KIF6: variants seen among roughly 807,000 people sequenced by gnomAD.
The protein encoded by KIF6 is kinesin-like protein KIF6.
In KIF6, 106 loss-of-function variants were observed where a neutral mutation model predicts 112.7. That is an observed-to-expected ratio of 0.94 (90% CI 0.80 to 1.11). KIF6 has a LOEUF of 1.11. KIF6 is among the 50% of genes least tolerant of loss of function. The pLI is 0.00. For missense variants in KIF6, 929 were observed against 964.0 expected, an observed-to-expected ratio of 0.96 and a Z score of 0.48; for synonymous variants, 339 against 339.9, an observed-to-expected ratio of 1.00 and a Z score of 0.03.
chr6:39,432,521 CA>C (rs567991488), intron 13 of KIF6, among the ~76,000 whole-genome samples: 26 of 152,320 alleles, frequency 1.7e-4, no homozygotes, highest in Admixed American at 2.6e-4. Flanking sequence ...ATAAAAATAG[CA>C]CCGTGAAGAA....
intron 13 of KIF6, among the ~76,000 whole-genome samples, chr6:39,514,485 A>G (rs1776953240): frequency 6.6e-6 from 1 of 152,244 alleles, no homozygotes; most frequent in African/African-American, 2.4e-5. Context: ...AGAATTGGAA[A>G]ATAATGCAAA....
rs372337037 is a variant in KIF6, at chr6:39,386,424, A to G, written c.1811-752T>C. Among the ~76,000 whole-genome samples the G allele has an allele frequency of 7.2e-5, 11 of 152,306 alleles. No homozygotes were observed. In the East Asian group the frequency reaches 1.5e-3, roughly 21 times the overall value. ...TGAAGACAAGACTTGGAGAGGAGGA[A>G]TGGAGATAATGGCTGTCTTTGAATA... On this transcript the variant is annotated intron_variant, in intron 15 of 22. Coordinates refer to ENST00000287152, the MANE Select transcript of KIF6 (RefSeq NM_145027.6).
intron 3 of KIF6, among the ~76,000 whole-genome samples, chr6:39,710,419 C>T (rs1566511): frequency 0.41 from 60,788 of 148,964 alleles, 13,683 homozygotes; most frequent in Non-Finnish European, 0.5. Context: ...ACCAGGAAAG[C>T]GAGGCACCAA....
intron 16 of KIF6, among the ~76,000 whole-genome samples, chr6:39,380,960 CG>C (rs1392357461): frequency 6.6e-6 from 1 of 152,166 alleles, no homozygotes; most frequent in African/African-American, 2.4e-5. Flanking sequence ...TGTTTAAAAA[CG>C]GCTCCCCACA....
chr6:39,526,134 T>G (rs1265033513), intron 13 of KIF6, among the ~76,000 whole-genome samples: 2 of 152,214 alleles, frequency 1.3e-5, no homozygotes, highest in African/African-American at 4.8e-5. Flanking sequence ...CTGCTGTCAC[T>G]GGCTACTTGG....
chr6:39,569,548 T>G (rs1780531238), intron 10 of KIF6, among the ~76,000 whole-genome samples: 1 of 152,236 alleles, frequency 6.6e-6, no homozygotes, highest in South Asian at 2.1e-4. Context: ...AAATTAAACT[T>G]TTGTTTGATT....
intron 12 of KIF6, 83 bp from the exon 13 acceptor site, chr6:39,540,304 C>T (rs2150562621): frequency 1.2e-6 from 1 of 861,510 alleles, no homozygotes; most frequent in Non-Finnish European, 1.8e-6. Flanking sequence ...ATTAATGTTC[C>T]TAACATTTGC....
chr6:39,615,533 A>G (rs1444133146), intron 5 of KIF6, among the ~76,000 whole-genome samples: 5 of 119,446 alleles, frequency 4.2e-5, no homozygotes, highest in African/African-American at 1.6e-4. Flanking sequence ...ACTGCTGCTT[A>G]GGTCCCATCC....
At chr6:39,657,763 A>C (rs1412170150) in intron 3 of KIF6, among the ~76,000 whole-genome samples, 1 of 152,242 alleles carries the variant, frequency 6.6e-6, no homozygotes, top group Non-Finnish European at 1.5e-5. Context: ...TTTACTGTGC[A>C]CATAGGTATT....
intron 7 of KIF6, 81 bp downstream of exon 7, chr6:39,595,973 C>T: frequency 9.2e-7 from 1 of 1,088,058 alleles, no homozygotes; most frequent in Non-Finnish European, 1.3e-6. Context: ...AAAAAAAATT[C>T]TAATAGAATG....
At chr6:39,530,310 A>G (rs1777976813) in intron 13 of KIF6, among the ~76,000 whole-genome samples, 1 of 152,226 alleles carries the variant, frequency 6.6e-6, no homozygotes, top group African/African-American at 2.4e-5. Context: ...AAAGAGTTAA[A>G]GGAGGTGGTG....
intron 16 of KIF6, among the ~76,000 whole-genome samples, chr6:39,382,239 G>A (rs533072691): frequency 6.6e-6 from 1 of 152,294 alleles, no homozygotes; most frequent in Admixed American, 6.5e-5. Flanking sequence ...TGATGCTGAG[G>A]TTTGGGCTTG....
intron 16 of KIF6, among the ~76,000 whole-genome samples, chr6:39,369,265 G>A (rs72860026): frequency 0.026 from 4,031 of 152,192 alleles, 174 homozygotes; most frequent in East Asian, 0.2. Flanking sequence ...CCATCCTGGT[G>A]CTGATTTTGT....
At position 39,510,092 on chromosome 6, in the gene KIF6, T is replaced by C. The variant is rs545590354; in HGVS notation, c.1645+29911A>G. On this transcript the variant is annotated intron_variant, in intron 13 of 22. Coordinates refer to ENST00000287152, the MANE Select transcript of KIF6 (RefSeq NM_145027.6). ...GGCCAATATTCAACATTCTTTTCTT[T>C]TCTTTTTTTTTTTTTTTTTGAGATG... Among the ~76,000 whole-genome samples the C allele has an allele frequency of 8.2e-3, 1,114 of 136,324 alleles. 16 individuals carry two copies. The highest frequency in any genetic ancestry group is 0.032 in the African/African-American group (1,039 of 32,942). The allele number at this position is 136,324 out of a possible 152,430, so 89.4% of individuals were successfully genotyped here. A position where few individuals can be genotyped will look rare whatever the true frequency, so the allele number is the denominator to read the frequency against.
chr6:39,529,845 T>C (rs1336562483), intron 13 of KIF6, among the ~76,000 whole-genome samples: 1 of 152,224 alleles, frequency 6.6e-6, no homozygotes, highest in African/African-American at 2.4e-5. Context: ...AATGTTCACA[T>C]TATTCTTTAA....
intron 13 of KIF6, among the ~76,000 whole-genome samples, chr6:39,535,413 C>G (rs1778361819): frequency 6.6e-6 from 1 of 151,954 alleles, no homozygotes; most frequent in African/African-American, 2.4e-5. Context: ...GGTTGCAATC[C>G]TAGTCTCTGA....
intron 13 of KIF6, among the ~76,000 whole-genome samples, chr6:39,504,810 T>G (rs935179689): frequency 6.6e-6 from 1 of 152,132 alleles, no homozygotes; most frequent in Non-Finnish European, 1.5e-5. Context: ...AAGGACCTCT[T>G]TGAGGAGAAC....
chr6:39,586,163 G>T, intron 8 of KIF6, 98 bp downstream of exon 8: 1 of 1,230,692 alleles, frequency 8.1e-7, no homozygotes, highest in Non-Finnish European at 1.2e-6. Context: ...GGCATACCCA[G>T]CTGAAAATGT....
intron 3 of KIF6, among the ~76,000 whole-genome samples, chr6:39,644,432 G>A (rs1276928057): frequency 1.3e-5 from 2 of 152,108 alleles, no homozygotes; most frequent in Non-Finnish European, 1.5e-5. Context: ...GTCAGCTGAT[G>A]AGTGGATAAA....
Sources: gnomAD v4.1 joint callset for allele counts (sites outside exome capture counted in the v4.1 genomes callset) on GRCh38, gnomAD v4.1.1 for gene constraint, MANE v1.5 for transcripts, NCBI Gene and HGNC (gene_info 2026-07-23, HGNC 2026-07-21) for gene names.